Variants in REEP1 observed in about 807,000 individuals in gnomAD.
The protein encoded by REEP1 is receptor accessory protein 1.
REEP1 carries 22 observed loss-of-function variants against 40.3 expected under a neutral mutation model. The observed-to-expected ratio is 0.55, with a 90% CI of 0.39 to 0.78. REEP1 has a LOEUF of 0.78. Ranked by LOEUF, REEP1 falls within the 30% of genes least tolerant of loss-of-function variation. REEP1 has a pLI of 0.00. For synonymous variants in REEP1, 116 were observed against 139.2 expected (o/e 0.83, Z 1.17); for missense variants, 280 against 361.1 (o/e 0.78, Z 1.82).
At position 86,283,987 on chromosome 2, in the gene REEP1, G is replaced by A. The variant is rs60145838; in HGVS notation, c.33-1745C>T. On this transcript the variant is annotated intron_variant, in intron 1 of 8. Coordinates refer to ENST00000538924, the MANE Select transcript of REEP1 (RefSeq NM_001371279.1). ...AGGATGAGCCACTGGGGGGATGAGA[G>A]AGTAGTGGAAGGAAGGGGAAAAAGT... Among the ~76,000 whole-genome samples the A allele has an allele frequency of 1.2e-3, 180 of 152,278 alleles. 3 individuals are homozygous for A. In the East Asian group the frequency reaches 0.032, roughly 27 times the overall value.
At chr2:86,221,439 C>T (rs2103971148) in intron 7 of REEP1, among the ~76,000 whole-genome samples, 1 of 152,286 alleles carries the variant, frequency 6.6e-6, no homozygotes, top group African/African-American at 2.4e-5. Flanking sequence ...AGCTTATTTA[C>T]TCTGGGCTTA....
intron 7 of REEP1, among the ~76,000 whole-genome samples, chr2:86,226,108 CCACCACCAT>C (rs1459083573): frequency 7.0e-6 from 1 of 143,284 alleles, no homozygotes; most frequent in Non-Finnish European, 1.5e-5. Context: ...ACCACCACCA[CCACCACCAT>C]CATCACCACC....
At position 86,266,345 on chromosome 2, in the gene REEP1, C is replaced by T. The variant is rs145768790; in HGVS notation, c.106-2304G>A. On this transcript the variant is annotated intron_variant, in intron 2 of 8. Transcript: ENST00000538924. ...TAGATGTACTACCAAAAGGGCCGGGCGCGGTGGCTCACGCCTGTAATCCCA... is the reference window on the plus strand; with the variant it reads ...TAGATGTACTACCAAAAGGGCCGGGTGCGGTGGCTCACGCCTGTAATCCCA... 6.4e-3 allele frequency among the ~76,000 whole-genome samples: 972 copies of T among 152,352 alleles called. 5 individuals are homozygous for T. Among genetic ancestry groups the T allele is most frequent in the African/African-American group, 0.021 (886 of 41,578 alleles).
chr2:86,275,542 C>T (rs896854408), intron 2 of REEP1, among the ~76,000 whole-genome samples: 1 of 152,316 alleles, frequency 6.6e-6, no homozygotes, highest in Admixed American at 6.5e-5. Context: ...CACCCCAGAG[C>T]CAGGTCCCAG....
intron 5 of REEP1, among the ~76,000 whole-genome samples, chr2:86,242,631 T>A (rs1197233839): frequency 6.6e-6 from 1 of 152,104 alleles, no homozygotes; most frequent in Non-Finnish European, 1.5e-5. Context: ...GAAACAGCGC[T>A]CAGAGTTGCT....
intron 1 of REEP1, 117 bp from the exon 2 acceptor site, chr2:86,282,359 C>T: frequency 4.9e-6 from 4 of 808,768 alleles, no homozygotes. Context: ...TGCTGTGGGG[C>T]TTGATTTATT....
At chr2:86,236,144 A>G (rs1675309812) in intron 5 of REEP1, among the ~76,000 whole-genome samples, 1 of 151,424 alleles carries the variant, frequency 6.6e-6, no homozygotes, top group Non-Finnish European at 1.5e-5. Context: ...TGAACCCGGG[A>G]GGTGGAGGTT....
chr2:86,269,324 A>C (rs1262176239), intron 2 of REEP1, among the ~76,000 whole-genome samples: 6 of 152,196 alleles, frequency 3.9e-5, no homozygotes, highest in Admixed American at 3.9e-4. Flanking sequence ...TTTGACCCTG[A>C]ACTCCACTGT....
At chr2:86,245,138 C>T (rs574594182) in intron 5 of REEP1, among the ~76,000 whole-genome samples, 1 of 152,056 alleles carries the variant, frequency 6.6e-6, no homozygotes, top group African/African-American at 2.4e-5. Flanking sequence ...GAGTGAGACA[C>T]CGTCTCAAAA....
intron 1 of REEP1, among the ~76,000 whole-genome samples, chr2:86,286,114 C>G (rs1319276332): frequency 6.6e-6 from 1 of 152,140 alleles, no homozygotes; most frequent in Admixed American, 6.5e-5. Flanking sequence ...TTTCCCTTAT[C>G]TTTGCCCTTC....
intron 5 of REEP1, among the ~76,000 whole-genome samples, chr2:86,236,801 A>G (rs1192216440): frequency 6.6e-6 from 1 of 151,590 alleles, no homozygotes; most frequent in East Asian, 1.9e-4. Flanking sequence ...CAGTGGTGCA[A>G]TCTCGGCTCA....
At chr2:86,326,352 A>G (rs528284104) in intron 1 of REEP1, among the ~76,000 whole-genome samples, 3 of 152,252 alleles carry the variant, frequency 2.0e-5, no homozygotes, top group Non-Finnish European at 4.4e-5. Flanking sequence ...CAATCACTGA[A>G]AAAGGAAATA....
chr2:86,229,947 C>G (rs1452540169), intron 6 of REEP1, among the ~76,000 whole-genome samples: 1 of 152,180 alleles, frequency 6.6e-6, no homozygotes, highest in Non-Finnish European at 1.5e-5. Context: ...TTATTTTAGG[C>G]TCCAGAACAG....
At chr2:86,253,606 A>G (rs1371578333) in intron 4 of REEP1, among the ~76,000 whole-genome samples, 1 of 152,188 alleles carries the variant, frequency 6.6e-6, no homozygotes, top group Non-Finnish European at 1.5e-5. Context: ...ATTTGGGGAA[A>G]GGGAAGTAAG....
chr2:86,217,832 T>C (rs530784006), intron 8 of REEP1, among the ~76,000 whole-genome samples: 1 of 152,240 alleles, frequency 6.6e-6, no homozygotes, highest in African/African-American at 2.4e-5. Flanking sequence ...GCTCAACTTA[T>C]ATGAAGGGCT....
At chr2:86,303,507 C>T (rs922244907) in intron 1 of REEP1, among the ~76,000 whole-genome samples, 1 of 150,742 alleles carries the variant, frequency 6.6e-6, no homozygotes, top group African/African-American at 2.4e-5. Flanking sequence ...ACATGAGCCA[C>T]CACGCCTGGC....
chr2:86,223,768 G>A (rs1674550835), intron 7 of REEP1: 1 of 151,528 alleles, frequency 6.6e-6, no homozygotes, highest in Non-Finnish European at 1.5e-5. Flanking sequence ...TCTCTGAGAG[G>A]ACAAAAAGGA....
At position 86,282,228 on chromosome 2, in the gene REEP1, G is replaced by A; in HGVS notation, c.47C>T (p.Thr16Ile). Residue 16 changes from threonine to isoleucine, a missense_variant, in exon 2 of 9, where the codon ACC becomes ATC. Coordinates refer to ENST00000538924, the MANE Select transcript of REEP1 (RefSeq NM_001371279.1). ...GTAGGAATAATACGCAGGGTAAAGG[G>A]TGCCAAATATAAGCCTGGAGGGAAG... ...ISRLVVLIFG[T>I]LYPAYYSYKA... is the part of the protein sequence containing the mutation. 1 of 1,607,640 alleles carries A rather than the reference G, an allele frequency of 6.2e-7. No individual in the cohort carries two copies. The highest frequency in any genetic ancestry group is 1.3e-5 in the African/African-American group (1 of 74,876).
chr2:86,297,017 AC>A (rs1409770127), intron 1 of REEP1, among the ~76,000 whole-genome samples: 2 of 152,056 alleles, frequency 1.3e-5, no homozygotes, highest in African/African-American at 4.8e-5. Context: ...AGCATCTCCC[AC>A]CAGAACATGT....
Sources: gnomAD v4.1 joint callset for allele counts (sites outside exome capture counted in the v4.1 genomes callset) on GRCh38, gnomAD v4.1.1 for gene constraint, MANE v1.5 for transcripts, NCBI Gene and HGNC (gene_info 2026-07-23, HGNC 2026-07-21) for gene names.